The following NTM variants were observed in gnomAD, a reference collection of about 807,000 sequenced individuals.
The protein encoded by NTM is IgLON family member 2.
Under a neutral mutation model 42.1 loss-of-function variants are expected in NTM, and 13 were observed. The ratio of observed to expected loss-of-function variants is 0.31; its 90% confidence interval spans 0.20 to 0.49. The LOEUF (loss-of-function observed/expected upper bound fraction) is 0.49. Ranked by LOEUF, NTM falls within the 20% of genes least tolerant of loss-of-function variation. The pLI, the probability that NTM is intolerant of heterozygous loss-of-function variation, is 0.99. For missense variants in NTM, 373 were observed against 452.8 expected, an observed-to-expected ratio of 0.82 and a Z score of 1.60; for synonymous variants, 187 against 179.2, an observed-to-expected ratio of 1.04 and a Z score of -0.35.
At chr11:131,879,287 TG>T (rs1565668339) in intron 1 of NTM, among the ~76,000 whole-genome samples, 1 of 152,134 alleles carries the variant, frequency 6.6e-6, no homozygotes, top group Non-Finnish European at 1.5e-5. Flanking sequence ...TGTGCTTTCT[TG>T]GGGGCCTTCA....
In NTM at chr11:131,658,455, C is replaced by T. The variant is rs148262697; in HGVS notation, c.83-253109C>T. On this transcript the variant is annotated intron_variant, in intron 1 of 8. Transcript: ENST00000683400. ...CATTCCACACCCACGTGGTGCAGCT[C>T]TTACATTCGTGAACCTACATGGACA... Among the ~76,000 whole-genome samples, 53 of 152,350 alleles carry T rather than the reference C, an allele frequency of 3.5e-4. No homozygotes were observed. The East Asian group carries it at 9.6e-3, about 28-fold the overall frequency.
At chr11:131,809,248 C>T (rs887024854) in intron 1 of NTM, among the ~76,000 whole-genome samples, 5 of 152,212 alleles carry the variant, frequency 3.3e-5, no homozygotes, top group African/African-American at 1.2e-4. Flanking sequence ...GTATACCATG[C>T]AATAACAGTG....
chr11:131,455,586 A>C (rs967699960), intron 1 of NTM: 1 of 152,312 alleles, frequency 6.6e-6, no homozygotes, highest in Non-Finnish European at 1.5e-5. Flanking sequence ...AAGGTTTAGC[A>C]GTGGCGTTCA....
At chr11:131,913,207 G>A (rs924372480) in intron 2 of NTM, among the ~76,000 whole-genome samples, 4 of 152,200 alleles carry the variant, frequency 2.6e-5, no homozygotes, top group African/African-American at 9.6e-5. Flanking sequence ...AATAATCAAG[G>A]AAATTTTCTT....
intron 1 of NTM, among the ~76,000 whole-genome samples, chr11:131,495,699 G>A (rs951030332): frequency 2.0e-5 from 3 of 152,314 alleles, no homozygotes; most frequent in East Asian, 1.9e-4. Flanking sequence ...GGCCTCCAAG[G>A]CCCAGGGCAA....
chr11:131,795,753 A>T (rs1387582917), intron 1 of NTM: 1 of 985,196 alleles, frequency 1.0e-6, no homozygotes, highest in East Asian at 1.1e-4. Context: ...GGTTCAGGTC[A>T]TGATACTGCC....
intron 1 of NTM, among the ~76,000 whole-genome samples, chr11:131,711,942 T>G (rs4528339): frequency 1.6e-5 from 2 of 122,812 alleles, no homozygotes; most frequent in South Asian, 2.7e-4. Flanking sequence ...TGAGAACACA[T>G]GGACACAGGA....
chr11:132,228,779 G>A (rs1340775931), intron 4 of NTM, among the ~76,000 whole-genome samples: 1 of 152,148 alleles, frequency 6.6e-6, no homozygotes, highest in Non-Finnish European at 1.5e-5. Flanking sequence ...TCTTCTCTCT[G>A]CATCACCAGT....
chr11:131,799,645 G>A (rs2091936240), intron 1 of NTM, among the ~76,000 whole-genome samples: 1 of 152,150 alleles, frequency 6.6e-6, no homozygotes, highest in Non-Finnish European at 1.5e-5. Context: ...TGAGGAGGCA[G>A]GTTCTGGAGC....
intron 4 of NTM, among the ~76,000 whole-genome samples, chr11:132,247,421 G>A (rs2091336425): frequency 6.6e-6 from 1 of 152,204 alleles, no homozygotes; most frequent in South Asian, 2.1e-4. Flanking sequence ...GAGGCAGGTT[G>A]TAAGCAAGCA....
At chr11:131,533,169 AAACTC>A (rs1405524820) in intron 1 of NTM, among the ~76,000 whole-genome samples, 1 of 152,208 alleles carries the variant, frequency 6.6e-6, no homozygotes, top group East Asian at 1.9e-4. Flanking sequence ...AAAAGTAATA[AAACTC>A]ATAGCAGAAG....
intron 1 of NTM, among the ~76,000 whole-genome samples, chr11:131,909,230 C>G (rs2054318978): frequency 6.6e-6 from 1 of 152,190 alleles, no homozygotes; most frequent in Admixed American, 6.5e-5. Flanking sequence ...TTCTCCAAAG[C>G]CTACTTCTGT....
intron 2 of NTM, among the ~76,000 whole-genome samples, chr11:132,065,547 T>A (rs918507973): frequency 6.6e-6 from 1 of 152,178 alleles, no homozygotes; most frequent in Admixed American, 6.5e-5. Flanking sequence ...CAGATCTAGG[T>A]TACAGTATCT....
At chr11:131,847,812 A>C (rs542587378) in intron 1 of NTM, among the ~76,000 whole-genome samples, 1 of 152,218 alleles carries the variant, frequency 6.6e-6, no homozygotes, top group East Asian at 1.9e-4. Context: ...GAAGACATGC[A>C]TATAAGGAAG....
At chr11:131,470,599 G>A (rs1240495225) in intron 1 of NTM, among the ~76,000 whole-genome samples, 1 of 152,156 alleles carries the variant, frequency 6.6e-6, no homozygotes, top group Non-Finnish European at 1.5e-5. Context: ...TCAAATCCTG[G>A]CCAATGGGGA....
rs1381130658 is a variant in NTM at position 131,877,647 on chromosome 11, G to A, written c.83-33917G>A. ...CATTTTTCTTTCTTTAAACACTTAT[G>A]GAATAAATGGAATTTATAATCAGAA... is the stretch of plus-strand genomic sequence containing the variant. On this transcript the variant is annotated intron_variant, in intron 1 of 8. Transcript: ENST00000683400. The A allele has an allele frequency of 1.3e-5, 2 of 152,002 alleles. 1 individual carries two copies. The highest frequency in any genetic ancestry group is 2.9e-5 in the Non-Finnish European group (2 of 68,010). The allele number at this position is 152,002 out of a possible 1,614,324, so 9.4% of individuals were successfully genotyped here.
chr11:131,879,831 A>T (rs1020682152), intron 1 of NTM, among the ~76,000 whole-genome samples: 2 of 152,170 alleles, frequency 1.3e-5, no homozygotes, highest in African/African-American at 4.8e-5. Context: ...GATTCCATAT[A>T]TAGTCTTCTT....
chr11:131,838,185 A>G (rs1424947673), intron 1 of NTM, among the ~76,000 whole-genome samples: 1 of 152,084 alleles, frequency 6.6e-6, no homozygotes, highest in East Asian at 1.9e-4. Flanking sequence ...TCACGGATGC[A>G]GGGGGCGGGG....
intron 7 of NTM, among the ~76,000 whole-genome samples, chr11:132,317,003 C>A (rs944359708): frequency 5.9e-5 from 9 of 152,162 alleles, no homozygotes; most frequent in Non-Finnish European, 5.9e-5. Flanking sequence ...CATTTTGCCA[C>A]CAACTTGTGC....
Sources: allele counts gnomAD v4.1 joint callset (sites outside exome capture counted in the v4.1 genomes callset), GRCh38; gene constraint gnomAD v4.1.1; transcripts MANE v1.5; gene names NCBI Gene and HGNC (gene_info 2026-07-23, HGNC 2026-07-21).